Variants in ASXL1 observed in about 807,000 individuals in gnomAD.
The protein encoded by ASXL1 is polycomb group protein ASXL1.
A neutral mutation model predicts 89.1 loss-of-function variants in ASXL1; 65 were observed. The observed-to-expected ratio is 0.73, with a 90% confidence interval of 0.60 to 0.90. The LOEUF is 0.90. ASXL1 is among the 40% of genes least tolerant of loss of function. The pLI is 0.00. For synonymous variants in ASXL1, 739 were observed against 746.9 expected, an observed-to-expected ratio of 0.99 and a Z score of 0.17; for missense variants, 1,786 against 1,942.9, an observed-to-expected ratio of 0.92 and a Z score of 1.52.
At chr20:32,359,780 G>A (rs1046522813) in intron 1 of ASXL1, 32 of 717,958 alleles carry the variant, frequency 4.5e-5, no homozygotes, top group Non-Finnish European at 3.4e-5. Context: ...CAGAGCGTCA[G>A]AGGACTTGCA....
At chr20:32,365,050 G>C (rs371373576) in intron 1 of ASXL1, among the ~76,000 whole-genome samples, 4 of 152,152 alleles carry the variant, frequency 2.6e-5, no homozygotes, top group East Asian at 1.9e-4. Flanking sequence ...TCAAGGTAGG[G>C]AATACAGGAA....
intron 4 of ASXL1, among the ~76,000 whole-genome samples, chr20:32,392,344 G>A (rs890910378): frequency 1.9e-4 from 28 of 149,808 alleles, no homozygotes; most frequent in African/African-American, 6.2e-4. Context: ...GTGCAGTGGC[G>A]CAATCTTGGC....
chr20:32,418,149 G>A (rs2049169998), intron 4 of ASXL1, among the ~76,000 whole-genome samples: 1 of 151,910 alleles, frequency 6.6e-6, no homozygotes, highest in Admixed American at 6.6e-5. Context: ...CTGTACTCCA[G>A]CCCAGATGAC....
chr20:32,360,385 T>C (rs2048090028), intron 1 of ASXL1: 1 of 154,016 alleles, frequency 6.5e-6, no homozygotes, highest in Admixed American at 6.4e-5. Context: ...CAGGATCTTG[T>C]AGAAATTTCA....
rs2123261264 is a variant in ASXL1 at position 32,433,587 on chromosome 20, T to C, written c.1389T>C (p.Ser463=). ...AGACTGACCCAGCAGGGCTGAGCAGTCCCCATCTGCCAGGCACATCCTCTG... is the reference window on the plus strand; with the variant it reads ...AGACTGACCCAGCAGGGCTGAGCAGCCCCCATCTGCCAGGCACATCCTCTG... ...EAKTDPAGLS[S]PHLPGTSSAA... The change falls in exon 12 of 13, where the codon AGT becomes AGC. Residue 463 remains serine, a synonymous_variant. Coordinates refer to ENST00000375687, the MANE Select transcript of ASXL1 (RefSeq NM_015338.6). The C allele has an allele frequency of 6.2e-7, 1 of 1,614,066 alleles. No individual in the cohort carries two copies. The highest frequency in any genetic ancestry group is 8.5e-7 in the Non-Finnish European group (1 of 1,179,994).
Position 32,420,278 on chromosome 20 carries a change from T to A in ASXL1, c.253-7850T>A, listed in dbSNP as rs1453708191. Among the ~76,000 whole-genome samples, 3 of 152,328 alleles carry A rather than the reference T, an allele frequency of 2.0e-5. No individual in the cohort carries two copies. In the East Asian group the frequency reaches 5.8e-4, roughly 29 times the overall value. On this transcript the variant is annotated intron_variant, in intron 4 of 12. Transcript: ENST00000375687. ...TCAGCCTTCTCCTAAGAGATAGTAC[T>A]TATTTTTTGCTCAGGAAAGATATAA...
intron 4 of ASXL1, among the ~76,000 whole-genome samples, chr20:32,422,220 C>T (rs1366962452): frequency 6.7e-6 from 1 of 150,212 alleles, no homozygotes; most frequent in Admixed American, 6.7e-5. Flanking sequence ...GGAAGGGGCA[C>T]AAGGAAACTT....
In ASXL1 at chr20:32,431,588, G is replaced by A. The variant is rs765690682; in HGVS notation, c.888G>A (p.Gly296=). Residue 296 remains glycine, a synonymous_variant, in exon 10 of 13, where the codon GGG becomes GGA. Coordinates refer to ENST00000375687, the MANE Select transcript of ASXL1 (RefSeq NM_015338.6). ...TTCCCCCTTGATCCTTCTAGGTGGG[G>A]ACGGATGGCCTGTTGCGTCTCAGCA... ...FLLPEVDRQV[G]TDGLLRLSSS... 11 of 1,614,126 alleles carry A rather than the reference G, an allele frequency of 6.8e-6. No individual in the cohort carries two copies. The South Asian group carries it at 1.1e-4, about 16-fold the overall frequency.
In ASXL1 at chr20:32,434,776, G is replaced by A. The variant is rs202104108; in HGVS notation, c.2064G>A (p.Thr688=). ...GCCCGAGCACCCCTGGAAAGTGTAC[G>A]TCAGATCTACAGCGAACACAACTAC... ...RGGPSTPGKC[T]SDLQRTQLLP... is the part of the protein sequence containing the mutation. The change falls in exon 13 of 13, where the codon ACG becomes ACA. Residue 688 remains threonine, a synonymous_variant. Coordinates refer to ENST00000375687, the MANE Select transcript of ASXL1 (RefSeq NM_015338.6). 41 of 1,613,736 alleles carry A rather than the reference G, an allele frequency of 2.5e-5. No homozygotes were observed. Among genetic ancestry groups the A allele is most frequent in the Non-Finnish European group, 2.9e-5 (34 of 1,180,018 alleles).
At position 32,369,287 on chromosome 20, in the gene ASXL1, C is replaced by G. The variant is rs568991769; in HGVS notation, c.252+164C>G. Among the ~76,000 whole-genome samples the G allele has an allele frequency of 1.1e-3, 162 of 152,230 alleles. 1 individual carries two copies. The highest frequency in any genetic ancestry group is 2.0e-3 in the Non-Finnish European group (134 of 68,016). ...TTTTAGACATAGTCTCGCTGTGTCA[C>G]CCAGGCTGGAGTGCAATGGGGCGAG... On this transcript the variant is annotated intron_variant, in intron 4 of 12. Transcript: ENST00000375687.
Position 32,428,111 on chromosome 20 carries a change from G to A in ASXL1, c.253-17G>A, listed in dbSNP as rs1255186429. Reference sequence around the variant, plus strand: ...TTGTAGGGTTTTGTTCACCTGAGTTGTACCTTGCTGTCACAGAAGGATGCC... The same window carrying A: ...TTGTAGGGTTTTGTTCACCTGAGTTATACCTTGCTGTCACAGAAGGATGCC... On this transcript the variant is annotated splice_polypyrimidine_tract_variant and intron_variant, in intron 4 of 12. Coordinates refer to ENST00000375687, the MANE Select transcript of ASXL1 (RefSeq NM_015338.6). The A allele has an allele frequency of 6.2e-7, 1 of 1,612,830 alleles. No individual in the cohort carries two copies. Among genetic ancestry groups the A allele is most frequent in the Non-Finnish European group, 8.5e-7 (1 of 1,180,008 alleles).
At position 32,439,027 on chromosome 20, in the gene ASXL1, T is replaced by G. The variant is rs999118099; in HGVS notation, c.*1689T>G. 4.3e-6 allele frequency: 1 copy of G among 233,586 alleles called. No homozygotes were observed. The highest frequency in any genetic ancestry group is 1.8e-4 in the South Asian group (1 of 5,532). 14.5% of individuals were successfully genotyped at this position (233,586 alleles called of 1,614,324 possible). ...TTTTATCTGAAAGGTTTTTTTCTCA[T>G]TTAATCTGATGTGGCATTTTCGTCA... On this transcript the variant is annotated 3_prime_UTR_variant, in exon 13 of 13. Coordinates refer to ENST00000375687, the MANE Select transcript of ASXL1 (RefSeq NM_015338.6).
At chr20:32,427,356 T>C (rs1444100499) in intron 4 of ASXL1, 1 of 153,184 alleles carries the variant, frequency 6.5e-6, no homozygotes, top group East Asian at 1.9e-4. Flanking sequence ...TTCCTGCCTC[T>C]AGGCTTCCCG....
intron 4 of ASXL1, among the ~76,000 whole-genome samples, chr20:32,406,990 A>G (rs898604167): frequency 3.3e-5 from 5 of 152,078 alleles, no homozygotes; most frequent in African/African-American, 1.2e-4. Context: ...GGGGGAAGAG[A>G]AGGGCAGCTC....
At chr20:32,383,559 G>A (rs1317074545) in intron 4 of ASXL1, among the ~76,000 whole-genome samples, 2 of 151,956 alleles carry the variant, frequency 1.3e-5, no homozygotes, top group Admixed American at 6.6e-5. Context: ...CTCCCGCCTC[G>A]GCCTCCCACA....
At chr20:32,411,041 AAAAAATAAAAAAAAT>A (rs1397755749) in intron 4 of ASXL1, among the ~76,000 whole-genome samples, 2 of 41,610 alleles carry the variant, frequency 4.8e-5, no homozygotes, top group African/African-American at 1.1e-4. Flanking sequence ...CAAAAAAAAA[AAAAAATAAAAAAAAT>A]AAAAAAAAAT....
At chr20:32,374,900 A>G (rs889669873) in intron 4 of ASXL1, among the ~76,000 whole-genome samples, 4 of 152,222 alleles carry the variant, frequency 2.6e-5, no homozygotes, top group Non-Finnish European at 5.9e-5. Context: ...TTTCAAACCT[A>G]TAGAAAAATT....
rs1019240272 is a variant in ASXL1 at position 32,359,913 on chromosome 20, T to C, written c.57+1081T>C. 2.4e-5 allele frequency: 17 copies of C among 707,450 alleles called. No homozygotes were observed. In the Admixed American group the frequency reaches 3.4e-4, roughly 14 times the overall value. 43.8% of individuals were successfully genotyped at this position (707,450 alleles called of 1,614,324 possible). A position where few individuals can be genotyped will look rare whatever the true frequency, so the allele number is the denominator to read the frequency against. ...CTAAGATGTCAGTTCCTAAGATCTG[T>C]CACACAGCGAGGTTGTGGTGCGGAT... On this transcript the variant is annotated intron_variant, in intron 1 of 12. Transcript: ENST00000375687.
At chr20:32,399,871 C>T (rs1246399087) in intron 4 of ASXL1, among the ~76,000 whole-genome samples, 2 of 150,160 alleles carry the variant, frequency 1.3e-5, no homozygotes, top group African/African-American at 2.4e-5. Context: ...AAGCGATCCT[C>T]CCACCTCAGC....
Sources: gnomAD v4.1 joint callset for allele counts (sites outside exome capture counted in the v4.1 genomes callset) on GRCh38, gnomAD v4.1.1 for gene constraint, MANE v1.5 for transcripts, NCBI Gene and HGNC (gene_info 2026-07-23, HGNC 2026-07-21) for gene names.